ZFYVE1: variants seen among roughly 807,000 people sequenced by gnomAD.
ZFYVE1 encodes the protein zinc finger FYVE domain-containing protein 1.
In ZFYVE1, 30 loss-of-function variants were observed where a neutral mutation model predicts 74.4. The ratio of observed to expected loss-of-function variants is 0.40; its 90% CI spans 0.30 to 0.55. The LOEUF is 0.55. Ranked by LOEUF, ZFYVE1 falls within the 20% of genes least tolerant of loss-of-function variation. ZFYVE1 has a pLI of 0.42. For missense variants in ZFYVE1, 703 were observed against 1,011.6 expected, an observed-to-expected ratio of 0.69 and a Z score of 4.14; for synonymous variants, 335 against 385.1, an observed-to-expected ratio of 0.87 and a Z score of 1.52.
At chr14:72,998,485 C>A (rs1893801108) in intron 2 of ZFYVE1, among the ~76,000 whole-genome samples, 170 bp from the exon 3 acceptor site, 1 of 151,740 alleles carries the variant, frequency 6.6e-6, no homozygotes, top group Non-Finnish European at 1.5e-5. Flanking sequence ...CTCAAAGGAA[C>A]CTCTGAAGCT....
At position 72,983,619 on chromosome 14, in the gene ZFYVE1, G is replaced by A. The variant is rs62373734; in HGVS notation, c.1204-1724C>T. Among the ~76,000 whole-genome samples, 603 of 152,084 alleles carry A rather than the reference G, an allele frequency of 4.0e-3. 3 individuals carry two copies. Among genetic ancestry groups the A allele is most frequent in the African/African-American group, 0.014 (579 of 41,476 alleles). On this transcript the variant is annotated intron_variant, in intron 4 of 11. Transcript: ENST00000556143. ...TCTATCATTGATGGACATTTGGGTT[G>A]GTTCCAAGTCTTTGCTATTGTGAAT...
chr14:72,997,639 T>C (rs1893777516), intron 3 of ZFYVE1, among the ~76,000 whole-genome samples, 172 bp downstream of exon 3: 1 of 152,258 alleles, frequency 6.6e-6, no homozygotes, highest in African/African-American at 2.4e-5. Flanking sequence ...AGTTGACCTA[T>C]AAGCAGATTG....
rs551201332 is a variant in ZFYVE1 at position 72,980,818 on chromosome 14, A to G, written c.1310+971T>C. ...TGATCCACCTGCCTCGGCCTCCCCA[A>G]GTGCTGGGATTACAGGCGTAAGCCA... On this transcript the variant is annotated intron_variant, in intron 5 of 11. Coordinates refer to ENST00000556143, the MANE Select transcript of ZFYVE1 (RefSeq NM_021260.4). 1.1e-4 allele frequency among the ~76,000 whole-genome samples: 16 copies of G among 152,042 alleles called. 1 individual carries two copies. The South Asian group carries it at 3.1e-3, about 30-fold the overall frequency.
chr14:72,970,779 A>G lies in ZFYVE1; in HGVS notation c.*103T>C. 1.6e-6 allele frequency: 2 copies of G among 1,262,886 alleles called. No homozygotes were observed. Among genetic ancestry groups the G allele is most frequent in the East Asian group, 2.5e-5 (1 of 39,842 alleles). 78.2% of individuals were successfully genotyped at this position (1,262,886 alleles called of 1,614,324 possible). A position where few individuals can be genotyped will look rare whatever the true frequency, so the allele number is the denominator to read the frequency against. On this transcript the variant is annotated 3_prime_UTR_variant, in exon 12 of 12. Transcript: ENST00000556143. ...TGGCCCTGGATGCGGAGAGGAGAGG[A>G]CACACACCACAGCAGGTGACTGGGA...
At chr14:72,994,156 C>G (rs1893689782) in intron 3 of ZFYVE1, among the ~76,000 whole-genome samples, 1 of 151,080 alleles carries the variant, frequency 6.6e-6, no homozygotes, top group African/African-American at 2.4e-5. Context: ...AACCCCATCT[C>G]TACTAAAAAT....
chr14:72,987,172 C>A (rs953941516), intron 4 of ZFYVE1, among the ~76,000 whole-genome samples: 1 of 152,204 alleles, frequency 6.6e-6, no homozygotes, highest in African/African-American at 2.4e-5. Context: ...TGACATCACA[C>A]CCCAACAAAA....
At chr14:72,974,263 T>G in intron 10 of ZFYVE1, 70 bp from the exon 11 acceptor site, 1 of 1,403,680 alleles carries the variant, frequency 7.1e-7, no homozygotes, top group Non-Finnish European at 1.0e-6. Context: ...CAGGGACCAA[T>G]AGCAGAACGC....
intron 8 of ZFYVE1, among the ~76,000 whole-genome samples, chr14:72,976,100 TA>T (rs1488622867): frequency 6.6e-6 from 1 of 152,222 alleles, no homozygotes; most frequent in Admixed American, 6.5e-5. Context: ...ACTTCCCTAT[TA>T]AACTCTGAAC....
At chr14:73,012,179 A>G (rs1894104791) in intron 2 of ZFYVE1, among the ~76,000 whole-genome samples, 1 of 152,128 alleles carries the variant, frequency 6.6e-6, no homozygotes, top group Admixed American at 6.6e-5. Flanking sequence ...AAAGAAAGGA[A>G]AAGGGGAAGA....
chr14:73,014,205 T>C (rs922155921), intron 2 of ZFYVE1, among the ~76,000 whole-genome samples: 1 of 152,176 alleles, frequency 6.6e-6, no homozygotes, highest in South Asian at 2.1e-4. Context: ...TGGGTCAAAT[T>C]TGAAACATCC....
At chr14:72,974,751 C>T in intron 10 of ZFYVE1, 28 bp downstream of exon 10, 1 of 1,579,010 alleles carries the variant, frequency 6.3e-7, no homozygotes, top group Non-Finnish European at 8.7e-7. Context: ...CTCCCCTCCA[C>T]CCCTGCAGCT....
chr14:72,978,013 C>CT lies in ZFYVE1; in HGVS notation c.1548_1549insA (p.Val517SerfsTer4). On this transcript the variant is annotated frameshift_variant, in exon 8 of 12. Coordinates refer to ENST00000556143, the MANE Select transcript of ZFYVE1 (RefSeq NM_021260.4). LOFTEE classifies it high-confidence loss of function. Reference sequence around the variant, plus strand: ...AACCAGTACTGCCGACTACGATAGACCACGCCACAGTTAGGACATTCGATC... The same window carrying CT: ...AACCAGTACTGCCGACTACGATAGACTCACGCCACAGTTAGGACATTCGATC... 1 of 1,614,196 alleles carries CT rather than the reference C, an allele frequency of 6.2e-7. No homozygotes were observed. Among genetic ancestry groups the CT allele is most frequent in the Non-Finnish European group, 8.5e-7 (1 of 1,180,052 alleles).
At chr14:72,988,352 T>C (rs1182668273) in intron 4 of ZFYVE1, among the ~76,000 whole-genome samples, 1 of 151,882 alleles carries the variant, frequency 6.6e-6, no homozygotes, top group African/African-American at 2.4e-5. Context: ...TTTTTGTATT[T>C]TTCACAGAGA....
At chr14:72,979,316 A>T in intron 5 of ZFYVE1, 3 of 212,946 alleles carry the variant, frequency 1.4e-5, no homozygotes, top group Non-Finnish European at 2.9e-5. Context: ...CCTAGCCAAC[A>T]TGGTGAAACA....
chr14:72,986,516 T>C (rs998907480), intron 4 of ZFYVE1, among the ~76,000 whole-genome samples: 4 of 149,312 alleles, frequency 2.7e-5, no homozygotes, highest in African/African-American at 7.3e-5. Flanking sequence ...ATGTTTTAGA[T>C]GCAAGAGTAG....
intron 3 of ZFYVE1, 96 bp downstream of exon 3, chr14:72,997,714 TG>T (rs1893778882): frequency 6.9e-7 from 1 of 1,454,154 alleles, no homozygotes; most frequent in South Asian, 1.4e-5. Context: ...GAAATCTTTC[TG>T]GGCAATCCAC....
chr14:73,003,992 T>TCTCCCATCATACATCTTCTCCC (rs1478197727), intron 2 of ZFYVE1, among the ~76,000 whole-genome samples: 8 of 152,166 alleles, frequency 5.3e-5, no homozygotes, highest in African/African-American at 1.9e-4. Context: ...CCAGGTACCT[T>TCTCCCATCATACATCTTCTCCC]AAACGCTTCT....
In ZFYVE1 at chr14:72,975,851, C is replaced by A; in HGVS notation, c.1636-130G>T. 3 of 1,004,066 alleles carry A rather than the reference C, an allele frequency of 3.0e-6. No individual in the cohort carries two copies. The highest frequency in any genetic ancestry group is 4.4e-6 in the Non-Finnish European group (3 of 683,276). The allele number at this position is 1,004,066 out of a possible 1,614,324, so 62.2% of individuals were successfully genotyped here. On this transcript the variant is annotated intron_variant, in intron 8 of 11. Transcript: ENST00000556143. The surrounding 1 kb of genome is among the most constrained non-coding windows in gnomAD (Gnocchi z 4.1). ...CCACTAACTCCCTGGCAGGGAAGAA[C>A]GGAGACACACCAGGAATCCCTCTGG...
chr14:72,996,557 C>T (rs1275254631), intron 3 of ZFYVE1, among the ~76,000 whole-genome samples: 2 of 152,186 alleles, frequency 1.3e-5, no homozygotes, highest in African/African-American at 4.8e-5. Flanking sequence ...CCACACCCAG[C>T]CCTACCTGCA....
Sources: gnomAD v4.1 joint callset for allele counts (sites outside exome capture counted in the v4.1 genomes callset) on GRCh38, gnomAD v4.1.1 for gene constraint, Gnocchi (gnomAD v3.1) non-coding constraint, MANE v1.5 for transcripts, NCBI Gene and HGNC (gene_info 2026-07-23, HGNC 2026-07-21) for gene names.